The following SMARCA2 variants were observed in gnomAD, a reference collection of about 807,000 sequenced individuals.
SMARCA2 encodes SWI/SNF related BAF chromatin remodeling complex subunit ATPase 2.
A neutral mutation model predicts 199.8 loss-of-function variants in SMARCA2; 61 were observed. The observed-to-expected ratio is 0.31, with a 90% CI of 0.25 to 0.38. The LOEUF (loss-of-function observed/expected upper bound fraction) is 0.38. SMARCA2 is among the 10% of genes least tolerant of loss of function. The probability of loss-of-function intolerance (pLI) is 1.00; values close to 1 mark genes in which losing one functional copy is unlikely to be tolerated. For missense variants in SMARCA2, 1,344 were observed against 2,012.2 expected (o/e 0.67, Z 6.35); for synonymous variants, 935 against 732.0 (o/e 1.28, Z -4.48).
At chr9:2,060,179 C>T (rs1290889384) in intron 8 of SMARCA2, among the ~76,000 whole-genome samples, 1 of 141,502 alleles carries the variant, frequency 7.1e-6, no homozygotes, top group Admixed American at 7.0e-5. Flanking sequence ...TCCTGTTAAC[C>T]ACAAAGTTTG....
At chr9:2,135,436 C>T (rs1023549039) in intron 27 of SMARCA2, among the ~76,000 whole-genome samples, 8 of 152,182 alleles carry the variant, frequency 5.3e-5, no homozygotes, top group South Asian at 2.1e-4. Flanking sequence ...CAAGTTGACA[C>T]CCAAAATTAA....
intron 32 of SMARCA2, among the ~76,000 whole-genome samples, chr9:2,189,715 A>T (rs977314200): frequency 1.3e-5 from 2 of 152,076 alleles, no homozygotes; most frequent in Non-Finnish European, 2.9e-5. Context: ...TGGGTATAAT[A>T]GATAGAAGCC....
intron 1 of SMARCA2, among the ~76,000 whole-genome samples, chr9:2,023,457 T>G (rs1197085350): frequency 2.0e-5 from 3 of 152,224 alleles, no homozygotes; most frequent in Non-Finnish European, 2.9e-5. Context: ...GAAAGTGTTG[T>G]GAATAACCCC....
chr9:2,114,618 A>C (rs1389590186), intron 24 of SMARCA2, among the ~76,000 whole-genome samples: 1 of 152,238 alleles, frequency 6.6e-6, no homozygotes, highest in Non-Finnish European at 1.5e-5. Context: ...ACCACAATGA[A>C]TAAAAGCCAC....
At chr9:2,187,057 A>G (rs953996895) in intron 32 of SMARCA2, among the ~76,000 whole-genome samples, 2 of 152,204 alleles carry the variant, frequency 1.3e-5, no homozygotes, top group African/African-American at 4.8e-5. Context: ...CCACACCTTG[A>G]GAATCACAGC....
chr9:2,181,627 C>G lies in SMARCA2; in HGVS notation c.4310C>G (p.Pro1437Arg), dbSNP rs1827031037. ...FIQLPSRKELPEYYELIRKPV... is the reference protein window; with the variant it reads ...FIQLPSRKELREYYELIRKPV... ...CAGTTACCTTCAAGGAAAGAATTACCAGAATACTATGAATTAATTAGGAAG... is the reference window on the plus strand; with the variant it reads ...CAGTTACCTTCAAGGAAAGAATTACGAGAATACTATGAATTAATTAGGAAG... Residue 1437 changes from proline (P) to arginine (R), a missense_variant, in exon 30 of 34, where the codon CCA becomes CGA. Physicochemically the swap from Pro to Arg is moderately radical, Grantham distance 103 (BLOSUM62 -2). Transcript: ENST00000349721. The G allele has an allele frequency of 6.3e-7, 1 of 1,599,152 alleles. No individual in the cohort carries two copies. The highest frequency in any genetic ancestry group is 8.6e-7 in the Non-Finnish European group (1 of 1,166,558).
At position 2,047,347 on chromosome 9, in the gene SMARCA2, C is replaced by T. The variant is rs971553304; in HGVS notation, c.909C>T (p.Pro303=). The change falls in exon 5 of 34, where the codon CCC becomes CCT. Residue 303 remains proline, a synonymous_variant. Transcript: ENST00000349721. The stretch of plus-strand genomic sequence containing the variant: ...CGCAGCCGCCCGCGGCCGCAGTGCC[C>T]GGGCCCTCAGTGCCGCAGCCGGCCC... The part of the protein sequence containing the change: ...AAAQPPAAAV[P]GPSVPQPAPG... 1.5e-5 allele frequency: 22 copies of T among 1,426,072 alleles called. No individual in the cohort carries two copies. Among genetic ancestry groups the T allele is most frequent in the African/African-American group, 6.0e-5 (4 of 66,236 alleles). The allele number at this position is 1,426,072 out of a possible 1,614,324, so 88.3% of individuals were successfully genotyped here. A position where few individuals can be genotyped will look rare whatever the true frequency, so the allele number is the denominator to read the frequency against.
At chr9:2,026,084 G>A (rs1818816230) in intron 1 of SMARCA2, among the ~76,000 whole-genome samples, 1 of 152,134 alleles carries the variant, frequency 6.6e-6, no homozygotes, top group African/African-American at 2.4e-5. Flanking sequence ...CAGACGAAAG[G>A]CACTTTTCCC....
At chr9:2,143,610 TA>T (rs1824571119) in intron 27 of SMARCA2, among the ~76,000 whole-genome samples, 1 of 152,116 alleles carries the variant, frequency 6.6e-6, no homozygotes, top group African/African-American at 2.4e-5. Context: ...ATTTCAGAGG[TA>T]AACTATATGA....
intron 29 of SMARCA2, among the ~76,000 whole-genome samples, chr9:2,172,614 C>T (rs1414314841): frequency 1.3e-5 from 2 of 152,198 alleles, no homozygotes; most frequent in Middle Eastern, 6.8e-3. Flanking sequence ...TCCCGGAGGG[C>T]CTTGAACACC....
rs188244690 is a variant in SMARCA2, at chr9:2,058,792, A to C, written c.1521+328A>C. On this transcript the variant is annotated intron_variant, in intron 8 of 33. Coordinates refer to ENST00000349721, the MANE Select transcript of SMARCA2 (RefSeq NM_003070.5). ...CCAGATCTGGAAGGATGGCAAATGC[A>C]GTTCTTTTAAAAATATGGCCTCTTT... is the stretch of plus-strand genomic sequence containing the variant. Among the ~76,000 whole-genome samples, 30 of 152,318 alleles carry C rather than the reference A, an allele frequency of 2.0e-4. No individual in the cohort carries two copies. In the East Asian group the frequency reaches 5.6e-3, roughly 28 times the overall value.
intron 32 of SMARCA2, among the ~76,000 whole-genome samples, chr9:2,186,932 A>C (rs1016125799): frequency 6.6e-6 from 1 of 152,234 alleles, no homozygotes; most frequent in Non-Finnish European, 1.5e-5. Flanking sequence ...GGTGGTTCTC[A>C]AACCTGGAGG....
At position 2,115,114 on chromosome 9, in the gene SMARCA2, T is replaced by G. The variant is rs1823160976; in HGVS notation, c.3457-708T>G. 1.3e-5 allele frequency among the ~76,000 whole-genome samples: 2 copies of G among 150,764 alleles called. No homozygotes were observed. The highest frequency in any genetic ancestry group is 2.9e-5 in the Non-Finnish European group (2 of 68,000). ...GTACATCCTTATTTCTAAATCTTTG[T>G]GCATATCTATGATTATTTGTTTAGG... On this transcript the variant is annotated intron_variant, in intron 24 of 33. Transcript: ENST00000349721. The surrounding 1 kb of genome is among the most constrained non-coding windows in gnomAD (Gnocchi z 6.0).
chr9:2,176,209 G>A (rs1215138543), intron 29 of SMARCA2, among the ~76,000 whole-genome samples: 1 of 106,088 alleles, frequency 9.4e-6, no homozygotes, highest in East Asian at 2.4e-4. Context: ...TTTTTATAAT[G>A]ACGTAACAAG....
intron 28 of SMARCA2, among the ~76,000 whole-genome samples, chr9:2,168,592 T>C (rs1191931086): frequency 6.6e-6 from 1 of 152,218 alleles, no homozygotes; most frequent in Non-Finnish European, 1.5e-5. Flanking sequence ...GTCGAAGGCT[T>C]TCCCACACTG....
At chr9:2,173,268 G>A (rs546521750) in intron 29 of SMARCA2, among the ~76,000 whole-genome samples, 1 of 152,280 alleles carries the variant, frequency 6.6e-6, no homozygotes. Context: ...CTCTCTACTT[G>A]GCCATTAGCA....
intron 29 of SMARCA2, among the ~76,000 whole-genome samples, chr9:2,173,165 GGT>G (rs749671581): frequency 2.0e-4 from 31 of 152,114 alleles, no homozygotes; most frequent in Non-Finnish European, 3.7e-4. Flanking sequence ...CAGGAAAATT[GGT>G]GTGTGTGAAG....
At chr9:2,040,736 A>G (rs1819569292) in intron 4 of SMARCA2, 1 of 152,248 alleles carries the variant, frequency 6.6e-6, no homozygotes, top group African/African-American at 2.4e-5. Flanking sequence ...CCTATTTCTT[A>G]TACACCTTGG....
At chr9:2,083,480 A>T (rs1821657596) in intron 16 of SMARCA2, 67 bp downstream of exon 16, 1 of 954,840 alleles carries the variant, frequency 1.0e-6, no homozygotes, top group Admixed American at 1.9e-5. Context: ...TCTTCATTCC[A>T]TATGCACATC....
Sources: gnomAD v4.1 joint callset for allele counts (sites outside exome capture counted in the v4.1 genomes callset) on GRCh38, gnomAD v4.1.1 for gene constraint, Gnocchi (gnomAD v3.1) non-coding constraint, MANE v1.5 for transcripts, NCBI Gene and HGNC (gene_info 2026-07-23, HGNC 2026-07-21) for gene names.